CFAP221: variants seen among roughly 807,000 people sequenced by gnomAD.
CFAP221 encodes cilia- and flagella-associated protein 221.
CFAP221 carries 97 observed loss-of-function variants against 113.1 expected under a neutral mutation model. That is an observed-to-expected ratio of 0.86 (90% CI 0.73 to 1.02). The LOEUF (loss-of-function observed/expected upper bound fraction) is 1.02. CFAP221 is among the 50% of genes least tolerant of loss of function. The pLI, the probability that CFAP221 is intolerant of heterozygous loss-of-function variation, is 0.00. For synonymous variants in CFAP221, 331 were observed against 354.4 expected (o/e 0.93, Z 0.74); for missense variants, 1,025 against 1,013.4 (o/e 1.01, Z -0.16).
intron 6 of CFAP221, among the ~76,000 whole-genome samples, chr2:119,579,512 A>C (rs938782393): frequency 4.6e-5 from 7 of 152,240 alleles, no homozygotes; most frequent in Admixed American, 1.3e-4. Flanking sequence ...TATGGTGGCC[A>C]TGCAAACTAA....
chr2:119,646,909 G>A (rs959225759), intron 21 of CFAP221, 49 bp from the exon 22 acceptor site: 2 of 1,500,376 alleles, frequency 1.3e-6, no homozygotes, highest in Middle Eastern at 1.7e-4. Flanking sequence ...AAGACCCCAA[G>A]ACTTCTAGTG....
At chr2:119,561,650 T>G (rs561878833) in intron 5 of CFAP221, among the ~76,000 whole-genome samples, 14 of 152,356 alleles carry the variant, frequency 9.2e-5, no homozygotes, top group Admixed American at 2.6e-4. Flanking sequence ...TATTCTGTGC[T>G]GTCTGGATCA....
rs770389733 is a variant in CFAP221, at chr2:119,625,672, A to C, written c.1500A>C (p.Lys500Asn). The change falls in exon 15 of 24, where the codon AAA becomes AAC. Residue 500 changes from lysine to asparagine, a missense_variant. Lys to Asn is a moderately conservative substitution (Grantham distance 94). Transcript: ENST00000413369. ...TACTGAGAAAGATTGGCCAAGCAAA[A>C]CAATCGATAGCACAAGGTGAAGTAT... is the stretch of plus-strand genomic sequence containing the variant. Reference protein sequence around the residue: ...ESILRKIGQAKQSIAQEANFF... With the variant: ...ESILRKIGQANQSIAQEANFF... The C allele has an allele frequency of 1.2e-6, 2 of 1,609,166 alleles. No individual in the cohort carries two copies. The highest frequency in any genetic ancestry group is 2.2e-5 in the South Asian group (2 of 90,976).
rs762119666 is a variant in CFAP221 at position 119,638,375 on chromosome 2, G to A, written c.2091G>A (p.Gly697=). 2.5e-6 allele frequency: 4 copies of A among 1,614,014 alleles called. No homozygotes were observed. The highest frequency in any genetic ancestry group is 1.1e-5 in the South Asian group (1 of 91,082). ...AATTCACCAAAGAGTCCCGCCACGG[G>A]TCCAGCATTCCTGTCACCCAAAAGC... ...KYKFTKESRH[G]SSIPVTQKQF... Residue 697 remains glycine (G), a synonymous_variant, in exon 20 of 24, where the codon GGG becomes GGA. Transcript: ENST00000413369.
intron 13 of CFAP221, among the ~76,000 whole-genome samples, chr2:119,614,816 T>C (rs1363511171): frequency 6.6e-6 from 1 of 152,230 alleles, no homozygotes; most frequent in Admixed American, 6.5e-5. Flanking sequence ...ATTCTCACTT[T>C]TCTTTGCTAG....
intron 11 of CFAP221, among the ~76,000 whole-genome samples, chr2:119,606,221 C>G (rs1197934685): frequency 6.6e-6 from 1 of 151,638 alleles, no homozygotes; most frequent in African/African-American, 2.4e-5. Context: ...AGGTGGGACC[C>G]AAACCCCTGG....
chr2:119,652,218 T>C (rs1474342888), intron 23 of CFAP221, 149 bp downstream of exon 23: 1 of 551,982 alleles, frequency 1.8e-6, no homozygotes. Flanking sequence ...TAGATGTGTA[T>C]TTTATTTTAG....
At position 119,615,688 on chromosome 2, in the gene CFAP221, G is replaced by A. The variant is rs746047691; in HGVS notation, c.1389G>A (p.Arg463=). 24 of 1,612,088 alleles carry A rather than the reference G, an allele frequency of 1.5e-5. No individual in the cohort carries two copies. The East Asian group carries it at 4.7e-4, about 31-fold the overall frequency. The part of the protein sequence containing the change: ...TWLSRSRAQK[R]FQQVARKVMI... ...TCAGCAGGTCCAGGGCACAAAAACG[G>A]TTTCAACAAGTAGCACGCAAGGTAA... Residue 463 remains arginine (R), a synonymous_variant, in exon 14 of 24, where the codon CGG becomes CGA. Coordinates refer to ENST00000413369, the MANE Select transcript of CFAP221 (RefSeq NM_001271049.2).
intron 8 of CFAP221, chr2:119,602,655 T>C: frequency 1.0e-6 from 1 of 985,436 alleles, no homozygotes; most frequent in Non-Finnish European, 1.2e-6. Context: ...TGTGGCCTGC[T>C]GAACCCAAAT....
chr2:119,601,096 G>A (rs1237024314), intron 7 of CFAP221, 122 bp from the exon 8 acceptor site: 1 of 972,526 alleles, frequency 1.0e-6, no homozygotes. Flanking sequence ...CAATTGTGTG[G>A]GGAGTCAGTG....
In CFAP221 at chr2:119,639,833, C is replaced by T. The variant is rs1169479019; in HGVS notation, c.2186C>T (p.Ser729Phe). The T allele has an allele frequency of 2.5e-6, 4 of 1,614,062 alleles. No homozygotes were observed. The Admixed American group carries it at 6.7e-5, about 27-fold the overall frequency. ...HWKSFQSLVL[S>F]SLPDPSKMET... ...AAAAGCTTCCAGTCCCTGGTTCTCT[C>T]CTCCCTGCCGGACCCCTCCAAGATG... is the stretch of plus-strand genomic sequence containing the variant. The change falls in exon 21 of 24, where the codon TCC (serine) becomes TTC (phenylalanine). Residue 729 changes from serine to phenylalanine, a missense_variant. Coordinates refer to ENST00000413369, the MANE Select transcript of CFAP221 (RefSeq NM_001271049.2).
intron 6 of CFAP221, among the ~76,000 whole-genome samples, chr2:119,577,922 A>G (rs1199905520): frequency 6.6e-6 from 1 of 152,206 alleles, no homozygotes. Context: ...TATTTTGCTC[A>G]TGGATCTACA....
chr2:119,621,545 A>G (rs972872081), intron 14 of CFAP221, among the ~76,000 whole-genome samples: 1 of 152,222 alleles, frequency 6.6e-6, no homozygotes, highest in Admixed American at 6.5e-5. Flanking sequence ...AGTGGACCTA[A>G]TAAATATCTA....
chr2:119,558,682 G>A (rs1348234087), intron 3 of CFAP221, among the ~76,000 whole-genome samples: 1 of 152,010 alleles, frequency 6.6e-6, no homozygotes, highest in African/African-American at 2.4e-5. Context: ...AATTAGCTGG[G>A]CATGGTGGTG....
rs1444315676 is a variant in CFAP221 at position 119,546,252 on chromosome 2, A to G, written c.121A>G (p.Asn41Asp). The G allele has an allele frequency of 1.3e-6, 2 of 1,535,038 alleles. No homozygotes were observed. Among genetic ancestry groups the G allele is most frequent in the Non-Finnish European group, 1.7e-6 (2 of 1,146,544 alleles). Reference protein sequence around the residue: ...EEPKKRKEVPNHLLESKVYAK... With the variant: ...EEPKKRKEVPDHLLESKVYAK... ...GCCGAAAAAAAGAAAAGAAGTACCTAATCACCTCCTAGAATCAAGTAAGTG... is the reference window on the plus strand; with the variant it reads ...GCCGAAAAAAAGAAAAGAAGTACCTGATCACCTCCTAGAATCAAGTAAGTG... Residue 41 changes from asparagine (N) to aspartate (D), a missense_variant, in exon 2 of 24, where the codon AAT becomes GAT. Coordinates refer to ENST00000413369, the MANE Select transcript of CFAP221 (RefSeq NM_001271049.2).
At chr2:119,601,540 A>ATAC in intron 8 of CFAP221, 163 bp downstream of exon 8, 1 of 644,976 alleles carries the variant, frequency 1.6e-6, no homozygotes, top group East Asian at 2.9e-5. Context: ...AGAAATATAG[A>ATAC]ATATATCTAT....
rs968732534 is a variant in CFAP221 at position 119,559,713 on chromosome 2, GAC to G, written c.270_271del (p.Arg91CysfsTer12). ...ILHLVNVSNE[D>X]TRVHILPPQT... ...GCATCTGGTCAATGTTTCCAATGAA[GAC>G]ACACGTGTTCATATTTTACCCCCGC... On this transcript the variant is annotated frameshift_variant, in exon 4 of 24. Transcript: ENST00000413369. LOFTEE classifies it high-confidence loss of function. 7.2e-6 allele frequency: 11 copies of G among 1,531,490 alleles called. No homozygotes were observed. The African/African-American group carries it at 1.4e-4, about 19-fold the overall frequency. 94.9% of individuals were successfully genotyped at this position (1,531,490 alleles called of 1,614,324 possible). A position where few individuals can be genotyped will look rare whatever the true frequency, so the allele number is the denominator to read the frequency against.
chr2:119,590,578 G>A (rs749900069), intron 7 of CFAP221, among the ~76,000 whole-genome samples: 6 of 152,184 alleles, frequency 3.9e-5, no homozygotes, highest in Non-Finnish European at 8.8e-5. Flanking sequence ...CCATACTCTT[G>A]GCCATACCTG....
At chr2:119,585,840 T>A (rs1398363385) in intron 6 of CFAP221, among the ~76,000 whole-genome samples, 1 of 152,192 alleles carries the variant, frequency 6.6e-6, no homozygotes, top group Non-Finnish European at 1.5e-5. Flanking sequence ...TTTGCCTTCA[T>A]AGGACTCTGA....
Sources: allele counts gnomAD v4.1 joint callset (sites outside exome capture counted in the v4.1 genomes callset), GRCh38; gene constraint gnomAD v4.1.1; transcripts MANE v1.5; gene names NCBI Gene and HGNC (gene_info 2026-07-23, HGNC 2026-07-21).